The following TMEFF2 variants were observed in gnomAD, a reference collection of about 807,000 sequenced individuals.
The protein encoded by TMEFF2 is tomoregulin-2.
In TMEFF2, 28 loss-of-function variants were observed where a neutral mutation model predicts 53.8. The ratio of observed to expected loss-of-function variants is 0.52; its 90% CI spans 0.39 to 0.71. The LOEUF (loss-of-function observed/expected upper bound fraction) is 0.71. Ranked by LOEUF, TMEFF2 falls within the 30% of genes least tolerant of loss-of-function variation. TMEFF2 has a pLI of 0.00. For synonymous variants in TMEFF2, 162 were observed against 166.3 expected (o/e 0.97, Z 0.20); for missense variants, 353 against 455.2 (o/e 0.78, Z 2.04).
intron 4 of TMEFF2, among the ~76,000 whole-genome samples, chr2:192,147,794 T>C (rs1212280821): frequency 6.6e-6 from 1 of 152,088 alleles, no homozygotes; most frequent in African/African-American, 2.4e-5. Context: ...TGGATGGCTA[T>C]GATTTTTCAT....
chr2:192,053,465 GAATT>G (rs77885000), intron 5 of TMEFF2, among the ~76,000 whole-genome samples: 62,974 of 151,724 alleles, frequency 0.42, 14,298 homozygotes, highest in South Asian at 0.56. Flanking sequence ...GAAAGATCAG[GAATT>G]AATTTTTCAC....
intron 7 of TMEFF2, among the ~76,000 whole-genome samples, chr2:191,958,132 A>G (rs1692161779): frequency 6.6e-6 from 1 of 152,194 alleles, no homozygotes; most frequent in African/African-American, 2.4e-5. Context: ...ATTCTGTGCC[A>G]GGGCCGGGGG....
chr2:192,078,725 C>T (rs1688487962), intron 4 of TMEFF2, among the ~76,000 whole-genome samples: 3 of 152,156 alleles, frequency 2.0e-5, no homozygotes, highest in South Asian at 4.1e-4. Context: ...TAAAATATCA[C>T]AAATTTGACA....
intron 5 of TMEFF2, among the ~76,000 whole-genome samples, chr2:192,020,543 G>A (rs1686836828): frequency 6.6e-6 from 1 of 152,128 alleles, no homozygotes; most frequent in Non-Finnish European, 1.5e-5. Flanking sequence ...TCAGGAGTAA[G>A]TATGATGATT....
intron 7 of TMEFF2, among the ~76,000 whole-genome samples, chr2:191,966,425 C>G (rs1692473198): frequency 6.6e-6 from 1 of 152,052 alleles, no homozygotes; most frequent in Non-Finnish European, 1.5e-5. Context: ...TTACCCCTTT[C>G]ATTTAAAGAT....
chr2:192,191,863 A>AAT lies in TMEFF2; in HGVS notation c.282+15_282+16dup. The AAT allele has an allele frequency of 1.3e-6, 2 of 1,535,910 alleles. No individual in the cohort carries two copies. The highest frequency in any genetic ancestry group is 2.7e-5 in the African/African-American group (2 of 73,392). On this transcript the variant is annotated intron_variant, in intron 2 of 9. Coordinates refer to ENST00000272771, the MANE Select transcript of TMEFF2 (RefSeq NM_016192.4). The stretch of plus-strand genomic sequence containing the variant: ...TCTCATTAATGAATTAGAAGATGCA[A>AAT]ATATAAGACTTCTTACCTTGAACTG...
chr2:192,108,769 C>T (rs571654151), intron 4 of TMEFF2, among the ~76,000 whole-genome samples: 15 of 151,854 alleles, frequency 9.9e-5, no homozygotes, highest in Non-Finnish European at 2.1e-4. Flanking sequence ...CAGTGTTATT[C>T]GCAAAAGCCA....
chr2:191,977,368 TC>T (rs1361406679), intron 7 of TMEFF2, among the ~76,000 whole-genome samples: 10 of 152,216 alleles, frequency 6.6e-5, no homozygotes, highest in African/African-American at 2.4e-4. Context: ...CTATGGGCAG[TC>T]CCACTGCCAG....
rs377496762 is a variant in TMEFF2, at chr2:192,069,964, ATGTG to A, written c.440-12193_440-12190del. Among the ~76,000 whole-genome samples, 32 of 86,590 alleles carry A rather than the reference ATGTG, an allele frequency of 3.7e-4. No individual in the cohort carries two copies. The East Asian group carries it at 0.011, about 30-fold the overall frequency. 56.8% of individuals were successfully genotyped at this position (86,590 alleles called of 152,430 possible). On this transcript the variant is annotated intron_variant, in intron 4 of 9. Transcript: ENST00000272771. Reference sequence around the variant, plus strand: ...CCCTGTTTTTTCTAGATTTAGAAAAATGTGTGTGTGTGTGTGTGTGTGTGTATAT... The same window carrying A: ...CCCTGTTTTTTCTAGATTTAGAAAAATGTGTGTGTGTGTGTGTGTGTATAT...
intron 4 of TMEFF2, among the ~76,000 whole-genome samples, chr2:192,065,801 C>T (rs190086721): frequency 1.1e-4 from 17 of 151,686 alleles, no homozygotes; most frequent in African/African-American, 2.4e-4. Flanking sequence ...TGTGAGTTTA[C>T]GCTCAAATAA....
chr2:192,165,620 C>A (rs1690744835), intron 4 of TMEFF2, among the ~76,000 whole-genome samples: 1 of 152,116 alleles, frequency 6.6e-6, no homozygotes, highest in African/African-American at 2.4e-5. Flanking sequence ...CCTTTGAAAG[C>A]AGCATACCTA....
chr2:192,156,526 G>C (rs1226255433), intron 4 of TMEFF2, among the ~76,000 whole-genome samples: 1 of 151,734 alleles, frequency 6.6e-6, no homozygotes, highest in Non-Finnish European at 1.5e-5. Context: ...GCAGTTGATG[G>C]GTATTCTTGA....
intron 5 of TMEFF2, among the ~76,000 whole-genome samples, chr2:192,033,510 AC>A (rs1687196515): frequency 7.3e-6 from 1 of 137,052 alleles, no homozygotes; most frequent in South Asian, 2.5e-4. Context: ...GCACAAAAAA[AC>A]CAGTTTGGAT....
chr2:192,178,269 T>C (rs1020930946), intron 4 of TMEFF2: 2 of 150,988 alleles, frequency 1.3e-5, no homozygotes, highest in African/African-American at 2.4e-5. Context: ...AATATTCCCA[T>C]GGTAAAACAT....
At chr2:192,132,117 A>G (rs183144995) in intron 4 of TMEFF2, among the ~76,000 whole-genome samples, 182 of 151,892 alleles carry the variant, frequency 1.2e-3, no homozygotes, top group East Asian at 5.0e-3. Flanking sequence ...TCGCCAGGCC[A>G]AGCTAGGCCC....
At chr2:192,182,811 CT>C (rs1222698223) in intron 3 of TMEFF2, among the ~76,000 whole-genome samples, 1 of 151,924 alleles carries the variant, frequency 6.6e-6, no homozygotes, top group Non-Finnish European at 1.5e-5. Flanking sequence ...TGGGATTTTA[CT>C]TTTTTTCTAT....
chr2:192,090,693 CAG>C (rs1404568133), intron 4 of TMEFF2, among the ~76,000 whole-genome samples: 1 of 152,082 alleles, frequency 6.6e-6, no homozygotes, highest in East Asian at 1.9e-4. Flanking sequence ...GGATGCAACT[CAG>C]ATGTAGGCAT....
chr2:192,152,951 T>G (rs1295847910), intron 4 of TMEFF2, among the ~76,000 whole-genome samples: 4 of 151,876 alleles, frequency 2.6e-5, no homozygotes, highest in Non-Finnish European at 1.5e-5. Flanking sequence ...TCAGGTTCCA[T>G]TACAACCTTA....
At chr2:192,108,073 G>A (rs1483909969) in intron 4 of TMEFF2, among the ~76,000 whole-genome samples, 2 of 151,404 alleles carry the variant, frequency 1.3e-5, no homozygotes, top group African/African-American at 4.8e-5. Flanking sequence ...ATAGCTAGTC[G>A]TTCGTTATAT....
Sources: gnomAD v4.1 joint callset for allele counts (sites outside exome capture counted in the v4.1 genomes callset) on GRCh38, gnomAD v4.1.1 for gene constraint, MANE v1.5 for transcripts, NCBI Gene and HGNC (gene_info 2026-07-23, HGNC 2026-07-21) for gene names.